Variants in ADAP2 observed in about 807,000 individuals in gnomAD.
ADAP2 encodes arf-GAP with dual PH domain-containing protein 2.
ADAP2 carries 42 observed loss-of-function variants against 54.9 expected under a neutral mutation model. That is an observed-to-expected ratio of 0.77 (90% CI 0.60 to 0.99). ADAP2 has a LOEUF of 0.99. Among genes scored for constraint, ADAP2 ranks in the 50% least tolerant of loss-of-function variants. ADAP2 has a pLI of 0.00. For synonymous variants in ADAP2, 177 were observed against 180.1 expected, an observed-to-expected ratio of 0.98 and a Z score of 0.14; for missense variants, 429 against 480.4, an observed-to-expected ratio of 0.89 and a Z score of 1.00.
chr17:30,933,179 T>C (rs1911620170), intron 4 of ADAP2, among the ~76,000 whole-genome samples: 1 of 152,120 alleles, frequency 6.6e-6, no homozygotes, highest in South Asian at 2.1e-4. Context: ...CCACAAATTA[T>C]TCTATTTATT....
intron 2 of ADAP2, among the ~76,000 whole-genome samples, chr17:30,926,198 C>A (rs562679472): frequency 6.6e-6 from 1 of 152,176 alleles, no homozygotes; most frequent in Non-Finnish European, 1.5e-5. Context: ...GATGCCCAAG[C>A]GATGTGAATT....
At position 30,949,748 on chromosome 17, in the gene ADAP2, CA is replaced by C. The variant is rs34131343; in HGVS notation, c.741+399del. 6.4e-3 allele frequency among the ~76,000 whole-genome samples: 395 copies of C among 61,978 alleles called. 1 individual carries two copies. Among genetic ancestry groups the C allele is most frequent in the African/African-American group, 0.013 (281 of 21,050 alleles). 40.7% of individuals were successfully genotyped at this position (61,978 alleles called of 152,430 possible). Reference sequence around the variant, plus strand: ...TGGGTGACAGAGTGAGACTCCGTCTCAAAAAAAAAAAAAAAAAAAAAGAAGA... The same window carrying C: ...TGGGTGACAGAGTGAGACTCCGTCTCAAAAAAAAAAAAAAAAAAAAGAAGA... On this transcript the variant is annotated intron_variant, in intron 7 of 10. Coordinates refer to ENST00000330889, the MANE Select transcript of ADAP2 (RefSeq NM_018404.3).
chr17:30,929,737 C>T (rs1225757122), intron 3 of ADAP2, among the ~76,000 whole-genome samples: 7 of 152,148 alleles, frequency 4.6e-5, no homozygotes, highest in Non-Finnish European at 1.0e-4. Context: ...CACTCTGTTG[C>T]CCAGGCTAGA....
intron 3 of ADAP2, among the ~76,000 whole-genome samples, chr17:30,931,316 G>A (rs940087193): frequency 6.6e-6 from 1 of 152,258 alleles, no homozygotes; most frequent in East Asian, 1.9e-4. Context: ...GACATTTTTG[G>A]GTGCCACAAC....
At chr17:30,926,153 G>C (rs938834700) in intron 2 of ADAP2, among the ~76,000 whole-genome samples, 1 of 152,198 alleles carries the variant, frequency 6.6e-6, no homozygotes, top group Non-Finnish European at 1.5e-5. Context: ...CCCCTGCAGA[G>C]GAGAAGAGGA....
At chr17:30,953,242 G>T in intron 7 of ADAP2, 46 bp from the exon 8 acceptor site, 6 of 1,604,496 alleles carry the variant, frequency 3.7e-6, no homozygotes, top group Non-Finnish European at 5.1e-6. Context: ...GGAACCTGGA[G>T]CCTTGGGGTG....
intron 2 of ADAP2, among the ~76,000 whole-genome samples, chr17:30,923,693 CT>C (rs1013811428): frequency 0.025 from 2,323 of 92,516 alleles, 20 homozygotes; most frequent in African/African-American, 0.1. Context: ...TTCTTTCTTC[CT>C]TTTTTTTTTT....
Position 30,922,990 on chromosome 17 carries a change from T to C in ADAP2, c.145T>C (p.Cys49Arg). Residue 49 changes from cysteine (C) to arginine (R), a missense_variant, in exon 2 of 11, where the codon TGC becomes CGC. Cys to Arg is a radical substitution (Grantham distance 180). Coordinates refer to ENST00000330889, the MANE Select transcript of ADAP2 (RefSeq NM_018404.3). ...KLGIFICLNC[C>R]GVHRNFPDIS... is the part of the protein sequence containing the mutation. ...GGGGATCTTCATCTGTCTCAACTGC[T>C]GCGGCGTCCACCGTAACTTCCCTGA... 6.2e-7 allele frequency: 1 copy of C among 1,614,138 alleles called. No individual in the cohort carries two copies. Among genetic ancestry groups the C allele is most frequent in the Non-Finnish European group, 8.5e-7 (1 of 1,180,012 alleles).
At chr17:30,942,777 C>T (rs552293959) in intron 5 of ADAP2, among the ~76,000 whole-genome samples, 152 of 152,244 alleles carry the variant, frequency 1.0e-3, no homozygotes, top group African/African-American at 3.0e-3. Flanking sequence ...AAGACATACA[C>T]GTGGCCAACA....
In ADAP2 at chr17:30,946,514, C is replaced by T. The variant is rs145960206; in HGVS notation, c.657+1461C>T. On this transcript the variant is annotated intron_variant, in intron 6 of 10. Coordinates refer to ENST00000330889, the MANE Select transcript of ADAP2 (RefSeq NM_018404.3). ...GATTACAGGGGTGAGCTACTGCGCCCGGCTGAGAAGCACTATTTAATAGTC... is the reference window on the plus strand; with the variant it reads ...GATTACAGGGGTGAGCTACTGCGCCTGGCTGAGAAGCACTATTTAATAGTC... 3.9e-5 allele frequency among the ~76,000 whole-genome samples: 6 copies of T among 152,114 alleles called. No homozygotes were observed. In the East Asian group the frequency reaches 7.8e-4, roughly 20 times the overall value.
rs574270801 is a variant in ADAP2 at position 30,924,677 on chromosome 17, G to C, written c.225+1607G>C. 5.9e-5 allele frequency among the ~76,000 whole-genome samples: 9 copies of C among 152,238 alleles called. No individual in the cohort carries two copies. In the East Asian group the frequency reaches 1.7e-3, roughly 29 times the overall value. ...GCCAGGTACTGTGCTAGACAGCACC[G>C]GACTGGAGGCTTTAGTGTGACCTTA... On this transcript the variant is annotated intron_variant, in intron 2 of 10. Transcript: ENST00000330889.
chr17:30,944,311 A>G (rs1912491528), intron 5 of ADAP2, among the ~76,000 whole-genome samples: 1 of 152,012 alleles, frequency 6.6e-6, no homozygotes, highest in Admixed American at 6.6e-5. Flanking sequence ...ATATAAATGG[A>G]AGCTAAACAT....
At position 30,954,537 on chromosome 17, in the gene ADAP2, C is replaced by T. The variant is rs1904917747; in HGVS notation, c.864C>T (p.Leu288=). ...TGGATTGCCATGAGCGGAGGCTGCT[C>T]TATTACAAGAACCCACTGGTAAGAG... ...FALDCHERRL[L]YYKNPLDAFE... The change falls in exon 9 of 11, where the codon CTC becomes CTT. Residue 288 remains leucine (L), a synonymous_variant. Coordinates refer to ENST00000330889, the MANE Select transcript of ADAP2 (RefSeq NM_018404.3). 1 of 1,614,118 alleles carries T rather than the reference C, an allele frequency of 6.2e-7. No individual in the cohort carries two copies. Among genetic ancestry groups the T allele is most frequent in the Non-Finnish European group, 8.5e-7 (1 of 1,179,988 alleles).
At chr17:30,942,032 AGTAGCTGGGACTACAG>A (rs1180536073) in intron 5 of ADAP2, among the ~76,000 whole-genome samples, 1 of 151,714 alleles carries the variant, frequency 6.6e-6, no homozygotes, top group African/African-American at 2.4e-5. Flanking sequence ...CACCCTCACT[AGTAGCTGGGACTACAG>A]GTGTGTACCA....
At chr17:30,926,024 G>T (rs185163581) in intron 2 of ADAP2, among the ~76,000 whole-genome samples, 10 of 152,248 alleles carry the variant, frequency 6.6e-5, no homozygotes, top group East Asian at 5.8e-4. Flanking sequence ...GAGCCACTGT[G>T]CCTGGCCATT....
Position 30,934,195 on chromosome 17 carries a change from A to T in ADAP2, c.408A>T (p.Glu136Asp). 6.2e-7 allele frequency: 1 copy of T among 1,614,040 alleles called. No homozygotes were observed. The highest frequency in any genetic ancestry group is 8.5e-7 in the Non-Finnish European group (1 of 1,179,918). The change falls in exon 5 of 11, where the codon GAA (glutamate) becomes GAT (aspartate). Residue 136 changes from glutamate to aspartate, a missense_variant. Coordinates refer to ENST00000330889, the MANE Select transcript of ADAP2 (RefSeq NM_018404.3). ...GETISLPGNR[E>D]GFLWKRGRDN... ...TCCTTGCTGCTTAAGGTAACCGAGA[A>T]GGATTCCTGTGGAAGCGAGGAAGGG...
At chr17:30,933,103 C>G (rs1239242453) in intron 4 of ADAP2, among the ~76,000 whole-genome samples, 5 of 152,142 alleles carry the variant, frequency 3.3e-5, no homozygotes, top group African/African-American at 9.7e-5. Flanking sequence ...CTGACCCAGA[C>G]AGTAAAGTAT....
intron 5 of ADAP2, among the ~76,000 whole-genome samples, chr17:30,940,415 C>T (rs530831499): frequency 4.1e-4 from 63 of 152,044 alleles, no homozygotes; most frequent in Non-Finnish European, 6.6e-4. Context: ...AGTGATTGTC[C>T]TGCCTCAGCC....
intron 9 of ADAP2, among the ~76,000 whole-genome samples, 182 bp from the exon 10 acceptor site, chr17:30,956,059 A>C (rs758915452): frequency 2.0e-5 from 3 of 152,142 alleles, no homozygotes; most frequent in Non-Finnish European, 4.4e-5. Flanking sequence ...GTATCTTTTC[A>C]ATAGATGATG....
Sources: gnomAD v4.1 joint callset for allele counts (sites outside exome capture counted in the v4.1 genomes callset) on GRCh38, gnomAD v4.1.1 for gene constraint, MANE v1.5 for transcripts, NCBI Gene and HGNC (gene_info 2026-07-23, HGNC 2026-07-21) for gene names.